TEAD1: variants seen among roughly 807,000 people sequenced by gnomAD.
The protein encoded by TEAD1 is TEA domain transcription factor 1.
TEAD1 carries 9 observed loss-of-function variants against 54.9 expected under a neutral mutation model. That is an observed-to-expected ratio of 0.16 (90% confidence interval 0.10 to 0.29). The LOEUF (loss-of-function observed/expected upper bound fraction) is 0.29. Among genes scored for constraint, TEAD1 ranks in the 10% least tolerant of loss-of-function variants. The pLI is 1.00. For synonymous variants in TEAD1, 200 were observed against 187.8 expected, an observed-to-expected ratio of 1.07 and a Z score of -0.53; for missense variants, 387 against 535.9, an observed-to-expected ratio of 0.72 and a Z score of 2.74.
At chr11:12,885,976 G>C (rs973623470) in intron 9 of TEAD1, among the ~76,000 whole-genome samples, 1 of 152,234 alleles carries the variant, frequency 6.6e-6, no homozygotes, top group African/African-American at 2.4e-5. Flanking sequence ...ACACGAAACA[G>C]ATGATTATCT....
intron 3 of TEAD1, among the ~76,000 whole-genome samples, chr11:12,859,824 G>T (rs1947462677): frequency 6.6e-6 from 1 of 152,144 alleles, no homozygotes; most frequent in Non-Finnish European, 1.5e-5. Flanking sequence ...TGGAAACAGG[G>T]GTAGGGACAT....
At chr11:12,742,454 A>G (rs556812736) in intron 2 of TEAD1, among the ~76,000 whole-genome samples, 3 of 152,290 alleles carry the variant, frequency 2.0e-5, no homozygotes, top group African/African-American at 7.2e-5. Context: ...GTGGGTAGGG[A>G]AAGGGGAGCT....
chr11:12,923,704 C>T lies in TEAD1; in HGVS notation c.874-1208C>T, dbSNP rs557461424. Among the ~76,000 whole-genome samples the T allele has an allele frequency of 9.9e-5, 15 of 152,212 alleles. 1 individual carries two copies. Among genetic ancestry groups the T allele is most frequent in the Admixed American group, 9.2e-4 (14 of 15,300 alleles). On this transcript the variant is annotated intron_variant, in intron 10 of 12. Transcript: ENST00000527636. ...TTCTAGAGGCTGGGATGTCCAAGAT[C>T]GAATCTGTAGCATCTGGTGGAAGGC... is the stretch of plus-strand genomic sequence containing the variant.
chr11:12,750,760 C>T (rs1944854419), intron 2 of TEAD1, among the ~76,000 whole-genome samples: 1 of 152,204 alleles, frequency 6.6e-6, no homozygotes, highest in Non-Finnish European at 1.5e-5. Context: ...ACATCTCCTC[C>T]ACTAATACTT....
At chr11:12,798,060 A>C (rs1345248319) in intron 3 of TEAD1, among the ~76,000 whole-genome samples, 1 of 152,010 alleles carries the variant, frequency 6.6e-6, no homozygotes, top group Non-Finnish European at 1.5e-5. Context: ...TAACATATCA[A>C]CTCTACCTGT....
At chr11:12,753,199 C>G (rs772733471) in intron 2 of TEAD1, among the ~76,000 whole-genome samples, 1 of 152,266 alleles carries the variant, frequency 6.6e-6, no homozygotes, top group Non-Finnish European at 1.5e-5. Context: ...CTGTTTCTGT[C>G]TGTTACAAAC....
chr11:12,771,716 G>T (rs899681008), intron 3 of TEAD1, among the ~76,000 whole-genome samples: 6 of 152,150 alleles, frequency 3.9e-5, no homozygotes, highest in African/African-American at 1.4e-4. Flanking sequence ...GAAGTTGCAG[G>T]GGTAGTTTGG....
At chr11:12,852,462 T>TTTC (rs1374799914) in intron 3 of TEAD1, among the ~76,000 whole-genome samples, 4 of 151,442 alleles carry the variant, frequency 2.6e-5, no homozygotes, top group African/African-American at 9.7e-5. Context: ...TTTTTTTTTT[T>TTTC]TTCGAGACAG....
chr11:12,819,890 C>G (rs1436146053), intron 3 of TEAD1, among the ~76,000 whole-genome samples: 2 of 152,104 alleles, frequency 1.3e-5, no homozygotes, highest in Non-Finnish European at 2.9e-5. Context: ...AGACTTGGAG[C>G]CTTTTTCTTT....
At chr11:12,824,289 G>A (rs1196316597) in intron 3 of TEAD1, among the ~76,000 whole-genome samples, 1 of 152,148 alleles carries the variant, frequency 6.6e-6, no homozygotes, top group Non-Finnish European at 1.5e-5. Context: ...ATATTCAGCC[G>A]TTGTCTGCAG....
At chr11:12,700,859 TC>T (rs1943685412) in intron 2 of TEAD1, among the ~76,000 whole-genome samples, 1 of 152,238 alleles carries the variant, frequency 6.6e-6, no homozygotes, top group Non-Finnish European at 1.5e-5. Flanking sequence ...GACTGCTTCT[TC>T]AATAAAAATT....
At chr11:12,860,977 T>C (rs951651542) in intron 3 of TEAD1, among the ~76,000 whole-genome samples, 1 of 152,190 alleles carries the variant, frequency 6.6e-6, no homozygotes, top group East Asian at 1.9e-4. Context: ...CATGAGTGAA[T>C]GCCACAGCAG....
intron 2 of TEAD1, among the ~76,000 whole-genome samples, chr11:12,728,711 GATAAA>G (rs1388483363): frequency 1.3e-5 from 2 of 152,184 alleles, no homozygotes; most frequent in Non-Finnish European, 2.9e-5. Flanking sequence ...GCCTGTGGTT[GATAAA>G]ATAAATACAT....
In TEAD1 at chr11:12,763,461, G is replaced by A. The variant is rs143438866; in HGVS notation, c.-54-718G>A. On this transcript the variant is annotated intron_variant, in intron 2 of 12. Transcript: ENST00000527636. ...GGTTACAGTCTAGGAGCTGAGAGTG[G>A]CAAAGTGACCTGATTCTACAGGGTA... is the stretch of plus-strand genomic sequence containing the variant. Among the ~76,000 whole-genome samples, 529 of 152,332 alleles carry A rather than the reference G, an allele frequency of 3.5e-3. 2 individuals carry two copies. Among genetic ancestry groups the A allele is most frequent in the African/African-American group, 0.012 (501 of 41,576 alleles).
At chr11:12,810,179 C>T (rs1181735680) in intron 3 of TEAD1, among the ~76,000 whole-genome samples, 1 of 151,976 alleles carries the variant, frequency 6.6e-6, no homozygotes, top group Non-Finnish European at 1.5e-5. Flanking sequence ...CAGGGTTTCA[C>T]CATGTTGGTC....
intron 3 of TEAD1, among the ~76,000 whole-genome samples, chr11:12,801,546 T>C (rs893860755): frequency 1.3e-5 from 2 of 152,222 alleles, no homozygotes; most frequent in Admixed American, 6.5e-5. Context: ...GAAATAGATA[T>C]TAGTGACCTA....
chr11:12,862,006 TA>T lies in TEAD1; in HGVS notation c.203-236del, dbSNP rs932582778. ...TGTCTTTTTTTTTTTTTTTTTTTTT[TA>T]AAAAAAAGGATAAATTTCTATTCTT... On this transcript the variant is annotated intron_variant, in intron 3 of 12. Transcript: ENST00000527636. Among the ~76,000 whole-genome samples, 137 of 133,682 alleles carry T rather than the reference TA, an allele frequency of 1.0e-3. 4 individuals are homozygous for T. The highest frequency in any genetic ancestry group is 2.9e-3 in the African/African-American group (99 of 34,532). The allele number at this position is 133,682 out of a possible 152,430, so 87.7% of individuals were successfully genotyped here.
intron 3 of TEAD1, among the ~76,000 whole-genome samples, chr11:12,837,416 C>T (rs1244206454): frequency 1.3e-5 from 2 of 152,136 alleles, no homozygotes; most frequent in African/African-American, 4.8e-5. Context: ...ATTAGAGTCT[C>T]TTTGGAAGCT....
intron 3 of TEAD1, among the ~76,000 whole-genome samples, chr11:12,791,742 T>TATAAGTG (rs1945806860): frequency 6.6e-6 from 1 of 152,198 alleles, no homozygotes; most frequent in African/African-American, 2.4e-5. Flanking sequence ...AAGCTGTTCC[T>TATAAGTG]ATAAGTAAGT....
Sources: allele counts gnomAD v4.1 joint callset (sites outside exome capture counted in the v4.1 genomes callset), GRCh38; gene constraint gnomAD v4.1.1; transcripts MANE v1.5; gene names NCBI Gene and HGNC (gene_info 2026-07-23, HGNC 2026-07-21).